The following GPHN variants were observed in gnomAD, a reference collection of about 807,000 sequenced individuals.
The protein encoded by GPHN is gephyrin.
A neutral mutation model predicts 95.5 loss-of-function variants in GPHN; 17 were observed. That is an observed-to-expected ratio of 0.18 (90% CI 0.12 to 0.27). GPHN has a LOEUF of 0.27. GPHN is among the 10% of genes least tolerant of loss of function. The pLI is 1.00. For missense variants in GPHN, 660 were observed against 978.1 expected, an observed-to-expected ratio of 0.67 and a Z score of 4.34; for synonymous variants, 320 against 322.5, an observed-to-expected ratio of 0.99 and a Z score of 0.08.
rs527809448 is a variant in GPHN at position 66,913,616 on chromosome 14, A to T, written c.390-2387A>T. On this transcript the variant is annotated intron_variant, in intron 5 of 22. Coordinates refer to ENST00000478722, the MANE Select transcript of GPHN (RefSeq NM_020806.5). ...CGGCTTCCCAAAGTGCTGGGATTAC[A>T]GGCATGAGCCACCACACTGGCTACT... 5.3e-5 allele frequency among the ~76,000 whole-genome samples: 8 copies of T among 152,316 alleles called. No homozygotes were observed. In the South Asian group the frequency reaches 1.7e-3, roughly 32 times the overall value.
chr14:66,521,169 A>G (rs1301418078), intron 1 of GPHN, among the ~76,000 whole-genome samples: 1 of 152,062 alleles, frequency 6.6e-6, no homozygotes, highest in Non-Finnish European at 1.5e-5. Context: ...GTGAACATTC[A>G]TGTGTATGTG....
the GPHN span, among the ~76,000 whole-genome samples, chr14:67,502,834 T>G: frequency 6.6e-6 from 1 of 152,128 alleles, no homozygotes. Context: ...CCAACCAACT[T>G]TATTAAATAC....
chr14:66,610,591 A>T (rs1395379816), intron 1 of GPHN, among the ~76,000 whole-genome samples: 1 of 151,930 alleles, frequency 6.6e-6, no homozygotes, highest in Non-Finnish European at 1.5e-5. Context: ...TATTTTTGTT[A>T]TTGCCATTGA....
intron 11 of GPHN, among the ~76,000 whole-genome samples, chr14:67,073,320 C>A (rs1056794677): frequency 1.1e-4 from 17 of 152,110 alleles, no homozygotes; most frequent in African/African-American, 4.1e-4. Context: ...GACGTAAGTG[C>A]TACCCATTTA....
In GPHN at chr14:66,758,158, A is replaced by C. The variant is rs760207118; in HGVS notation, c.144-18306A>C. On this transcript the variant is annotated intron_variant, in intron 2 of 22. Coordinates refer to ENST00000478722, the MANE Select transcript of GPHN (RefSeq NM_020806.5). ...GGGTAGGTATATATAAAGTAGGTGA[A>C]GGTGGGGATCAGTCAGAGGAAAGGC... 1.1e-3 allele frequency among the ~76,000 whole-genome samples: 175 copies of C among 152,230 alleles called. 1 individual carries two copies. The highest frequency in any genetic ancestry group is 1.4e-3 in the Non-Finnish European group (95 of 68,038).
chr14:67,440,751 G>GAAAA, the GPHN span, among the ~76,000 whole-genome samples: 1 of 146,218 alleles, frequency 6.8e-6, no homozygotes, highest in African/African-American at 2.5e-5. Flanking sequence ...GTCTCAGAGT[G>GAAAA]AAAAAAAAAA....
chr14:67,444,981 G>A, the GPHN span, among the ~76,000 whole-genome samples: 3 of 152,024 alleles, frequency 2.0e-5, no homozygotes, highest in African/African-American at 7.3e-5. Context: ...AGTTTCTCTC[G>A]AACTCCTGAC....
the GPHN span, chr14:67,347,512 TTTTTC>T: frequency 6.1e-6 from 9 of 1,475,208 alleles, no homozygotes; most frequent in Admixed American, 7.8e-5. Context: ...CTTTTTTTTT[TTTTTC>T]TGAGACGGAG....
chr14:67,322,290 G>C, the GPHN span, among the ~76,000 whole-genome samples: 2 of 152,152 alleles, frequency 1.3e-5, no homozygotes, highest in Non-Finnish European at 2.9e-5. Flanking sequence ...GGAGATTGCA[G>C]TGAGCTGCAC....
chr14:67,004,443 A>T (rs1164285965), intron 9 of GPHN, among the ~76,000 whole-genome samples: 2 of 151,832 alleles, frequency 1.3e-5, no homozygotes. Flanking sequence ...GCAAAAATTA[A>T]ATATGGGGCC....
At chr14:67,615,783 C>G in the GPHN span, 2 of 526,490 alleles carry the variant, frequency 3.8e-6, no homozygotes, top group Non-Finnish European at 7.1e-6. Context: ...TCTCCTTCAG[C>G]CTTTTTCTTG....
chr14:67,438,860 CAA>C, the GPHN span, among the ~76,000 whole-genome samples: 3,572 of 55,778 alleles, frequency 0.064, 84 homozygotes, highest in African/African-American at 0.16. Flanking sequence ...GACTCCGTCT[CAA>C]AAAAAAAAAA....
At chr14:67,306,156 G>C in the GPHN span, among the ~76,000 whole-genome samples, 11 of 152,236 alleles carry the variant, frequency 7.2e-5, no homozygotes, top group South Asian at 2.3e-3. Context: ...TTTTAGCAGA[G>C]ATGGGGTTTC....
chr14:67,698,477 A>G, the GPHN span, among the ~76,000 whole-genome samples: 1 of 152,174 alleles, frequency 6.6e-6, no homozygotes, highest in Admixed American at 6.5e-5. Flanking sequence ...AGCAGAGGGA[A>G]GCTTTGAGGA....
the GPHN span, chr14:67,613,393 G>C: frequency 1.3e-5 from 2 of 152,236 alleles, no homozygotes; most frequent in Non-Finnish European, 2.9e-5. Flanking sequence ...AGCCAGGAGT[G>C]GGGGTGCAGT....
Position 66,555,412 on chromosome 14 carries a change from C to CA in GPHN, c.64+46822dup, listed in dbSNP as rs536957319. On this transcript the variant is annotated intron_variant, in intron 1 of 22. Coordinates refer to ENST00000478722, the MANE Select transcript of GPHN (RefSeq NM_020806.5). Reference sequence around the variant, plus strand: ...GTCTACAGTTTATCACTGTCTCCCTCACATCTATCACAATGTGTGGCGTAT... The same window carrying CA: ...GTCTACAGTTTATCACTGTCTCCCTCAACATCTATCACAATGTGTGGCGTAT... Among the ~76,000 whole-genome samples, 9 of 152,232 alleles carry CA rather than the reference C, an allele frequency of 5.9e-5. No homozygotes were observed. The East Asian group carries it at 1.5e-3, about 26-fold the overall frequency.
At position 66,570,980 on chromosome 14, in the gene GPHN, T is replaced by A. The variant is rs115859515; in HGVS notation, c.64+62389T>A. Among the ~76,000 whole-genome samples the A allele has an allele frequency of 7.8e-3, 1,195 of 152,304 alleles. 8 individuals carry two copies. Among genetic ancestry groups the A allele is most frequent in the African/African-American group, 0.027 (1,140 of 41,558 alleles). On this transcript the variant is annotated intron_variant, in intron 1 of 22. Coordinates refer to ENST00000478722, the MANE Select transcript of GPHN (RefSeq NM_020806.5). ...ACCTGGTTATTTTCTTGCTCTTTAG[T>A]AGTTTGAGTTCCTTATATATTCTGG...
the GPHN span, chr14:67,577,158 T>C: frequency 3.1e-6 from 2 of 643,576 alleles, no homozygotes; most frequent in African/African-American, 3.6e-5. Flanking sequence ...CCCCACACTC[T>C]ATGGATGATA....
the GPHN span, among the ~76,000 whole-genome samples, chr14:67,683,408 T>C: frequency 7.4e-3 from 1,131 of 152,330 alleles, 16 homozygotes; most frequent in African/African-American, 0.026. Flanking sequence ...CTGCTATACA[T>C]TTCTACTTGC....
Sources: allele counts gnomAD v4.1 joint callset (sites outside exome capture counted in the v4.1 genomes callset), GRCh38; gene constraint gnomAD v4.1.1; transcripts MANE v1.5; gene names NCBI Gene and HGNC (gene_info 2026-07-23, HGNC 2026-07-21).